Variants in NFKB2 observed in about 807,000 individuals in gnomAD.
NFKB2 encodes nuclear factor kappa B subunit 2.
A neutral mutation model predicts 109.3 loss-of-function variants in NFKB2; 21 were observed. The observed-to-expected ratio is 0.19, with a 90% CI of 0.14 to 0.28. The LOEUF (loss-of-function observed/expected upper bound fraction) is 0.28, where lower values mean the gene tolerates loss of function less well. Ranked by LOEUF, NFKB2 falls within the 10% of genes least tolerant of loss-of-function variation. NFKB2 has a pLI of 1.00. For synonymous variants in NFKB2, 478 were observed against 489.9 expected (o/e 0.98, Z 0.32); for missense variants, 806 against 1,185.3 (o/e 0.68, Z 4.70).
In NFKB2 at chr10:102,397,709, T is replaced by C; in HGVS notation, c.661+24T>C. 6.3e-7 allele frequency: 1 copy of C among 1,593,152 alleles called. No individual in the cohort carries two copies. The highest frequency in any genetic ancestry group is 8.6e-7 in the Non-Finnish European group (1 of 1,164,104). On this transcript the variant is annotated intron_variant, in intron 8 of 22. Coordinates refer to ENST00000661543, the MANE Select transcript of NFKB2 (RefSeq NM_001322934.2). The surrounding 1 kb of genome is among the most constrained non-coding windows in gnomAD (Gnocchi z 4.7). Reference sequence around the variant, plus strand: ...CAGTGAGTATCCTGATTGCCTGGGGTGCCAGGCCTGGTGGCAGAGGTGGCA... The same window carrying C: ...CAGTGAGTATCCTGATTGCCTGGGGCGCCAGGCCTGGTGGCAGAGGTGGCA...
intron 12 of NFKB2, 54 bp from the exon 13 acceptor site, chr10:102,399,233 AT>A: frequency 3.4e-6 from 5 of 1,455,040 alleles, no homozygotes; most frequent in East Asian, 2.5e-5. Flanking sequence ...AAAAAAAAAA[AT>A]CTGGGAGAGT....
In NFKB2 at chr10:102,400,886, AG is replaced by A. The variant is rs1008676146; in HGVS notation, c.1969-53del. 114 of 1,521,584 alleles carry A rather than the reference AG, an allele frequency of 7.5e-5. No homozygotes were observed. Among genetic ancestry groups the A allele is most frequent in the Middle Eastern group, 5.2e-4 (3 of 5,820 alleles). The allele number at this position is 1,521,584 out of a possible 1,614,324, so 94.3% of individuals were successfully genotyped here. A position where few individuals can be genotyped will look rare whatever the true frequency, so the allele number is the denominator to read the frequency against. ...GTGGTGGAGGGGCCAAAGATGGTGA[AG>A]GGGGGGGCTGGCCAAGGGGACCATG... On this transcript the variant is annotated intron_variant, in intron 17 of 22. Transcript: ENST00000661543. The surrounding 1 kb of genome is among the most constrained non-coding windows in gnomAD (Gnocchi z 6.3).
In NFKB2 at chr10:102,400,254, G is replaced by A. The variant is rs2061207085; in HGVS notation, c.1585-24G>A. 1.2e-6 allele frequency: 2 copies of A among 1,614,012 alleles called. No homozygotes were observed. The highest frequency in any genetic ancestry group is 1.1e-5 in the South Asian group (1 of 91,070). On this transcript the variant is annotated intron_variant, in intron 15 of 22. Coordinates refer to ENST00000661543, the MANE Select transcript of NFKB2 (RefSeq NM_001322934.2). The surrounding 1 kb of genome is among the most constrained non-coding windows in gnomAD (Gnocchi z 6.3). ...TGGAAGGCAAGTGGGTCTCGGGCCT[G>A]GCTCACCCTGCTTTCATCCCCAGAC...
At position 102,396,204 on chromosome 10, in the gene NFKB2, T is replaced by C. The variant is rs920388167; in HGVS notation, c.22-49T>C. 5.1e-6 allele frequency: 8 copies of C among 1,566,678 alleles called. No homozygotes were observed. Among genetic ancestry groups the C allele is most frequent in the Admixed American group, 1.7e-5 (1 of 58,950 alleles). On this transcript the variant is annotated intron_variant, in intron 2 of 22. Transcript: ENST00000661543. This position sits in a 1 kb window ranked among gnomAD's most constrained non-coding sequence, Gnocchi z 5.9. ...GACTTGGAGATGGGAGGTGGGGCTGTGGGGGGTGCTGAGAGTCGGATGCCA... is the reference window on the plus strand; with the variant it reads ...GACTTGGAGATGGGAGGTGGGGCTGCGGGGGGTGCTGAGAGTCGGATGCCA...
chr10:102,396,314 A>G lies in NFKB2; in HGVS notation c.83A>G (p.Lys28Arg). The stretch of plus-strand genomic sequence containing the variant: ...TTGAACTCCTCCATTGTGGAACCCA[A>G]GGAGCCAGCCCCAGAAACAGGTCAG... ...FKLNSSIVEPKEPAPETADGP... is the reference protein window; with the variant it reads ...FKLNSSIVEPREPAPETADGP... Residue 28 changes from lysine (K) to arginine (R), a missense_variant, in exon 3 of 23, where the codon AAG becomes AGG. Coordinates refer to ENST00000661543, the MANE Select transcript of NFKB2 (RefSeq NM_001322934.2). The surrounding 1 kb of genome is among the most constrained non-coding windows in gnomAD (Gnocchi z 5.9). 6.2e-7 allele frequency: 1 copy of G among 1,613,564 alleles called. No homozygotes were observed. Among genetic ancestry groups the G allele is most frequent in the Non-Finnish European group, 8.5e-7 (1 of 1,179,520 alleles).
At chr10:102,399,012 A>G in intron 12 of NFKB2, 148 bp downstream of exon 12, 2 of 922,432 alleles carry the variant, frequency 2.2e-6, no homozygotes, top group Non-Finnish European at 3.2e-6. Flanking sequence ...CAGGAGTTCA[A>G]GACCAGCTTG....
rs775398847 is a variant in NFKB2, at chr10:102,401,061, C to T, written c.2071+12C>T. The T allele has an allele frequency of 6.2e-7, 1 of 1,614,016 alleles. No homozygotes were observed. Among genetic ancestry groups the T allele is most frequent in the South Asian group, 1.1e-5 (1 of 91,074 alleles). ...CCTTCTGAAGGCTGGTCAGTCTCAC[C>T]CTCAGGGGCACTTGAACAGGGTGGG... On this transcript the variant is annotated intron_variant, in intron 18 of 22. Coordinates refer to ENST00000661543, the MANE Select transcript of NFKB2 (RefSeq NM_001322934.2). The surrounding 1 kb of genome is among the most constrained non-coding windows in gnomAD (Gnocchi z 4.2).
rs758684870 is a variant in NFKB2 at position 102,401,963 on chromosome 10, T to C, written c.2466+46T>C. On this transcript the variant is annotated intron_variant, in intron 21 of 22. Transcript: ENST00000661543. This position sits in a 1 kb window ranked among gnomAD's most constrained non-coding sequence, Gnocchi z 4.2. The stretch of plus-strand genomic sequence containing the variant: ...CCCCCTCCCCAGCCTCCTTTCCCGA[T>C]CTGAGTCCAGGTGCCTCCTTGGCCC... The C allele has an allele frequency of 1.3e-6, 2 of 1,596,012 alleles. No homozygotes were observed. The highest frequency in any genetic ancestry group is 4.5e-5 in the East Asian group (2 of 44,336).
In NFKB2 at chr10:102,400,156, G is replaced by A. The variant is rs763614024; in HGVS notation, c.1546G>A (p.Asp516Asn). The change falls in exon 15 of 23, where the codon GAC (aspartate) becomes AAC (asparagine). Residue 516 changes from aspartate to asparagine, a missense_variant. Transcript: ENST00000661543. This position sits in a 1 kb window ranked among gnomAD's most constrained non-coding sequence, Gnocchi z 6.3. ...QIVYVIHHAQ[D>N]LGVVNLTNHL... ...AGTCTATGTCATCCACCACGCCCAG[G>A]ACCTCGGCGTTGTCAACCTCACCAA... The A allele has an allele frequency of 1.2e-6, 2 of 1,614,170 alleles. No homozygotes were observed. Among genetic ancestry groups the A allele is most frequent in the South Asian group, 2.2e-5 (2 of 91,078 alleles).
At chr10:102,399,548 C>T (rs1377387838) in intron 13 of NFKB2, 29 bp from the exon 14 acceptor site, 3 of 1,543,748 alleles carry the variant, frequency 1.9e-6, no homozygotes, top group Non-Finnish European at 2.6e-6. Context: ...GAGGACCTAG[C>T]CCTGACCCAC....
chr10:102,398,758 G>A lies in NFKB2; in HGVS notation c.1011G>A (p.Arg337=). 1 of 1,612,536 alleles carries A rather than the reference G, an allele frequency of 6.2e-7. No homozygotes were observed. The highest frequency in any genetic ancestry group is 2.1e-4 in the Middle Eastern group (1 of 4,796). ...CCCCAGACAAGGAAGAGGTGCAGCGGAAGCGGAGGAAGGCCTTGCCCACCT... is the reference window on the plus strand; with the variant it reads ...CCCCAGACAAGGAAGAGGTGCAGCGAAAGCGGAGGAAGGCCTTGCCCACCT... ...PLVEDKEEVQ[R]KRRKALPTFS... The change falls in exon 12 of 23, where the codon CGG becomes CGA. Residue 337 remains arginine (R), a synonymous_variant. Transcript: ENST00000661543. The surrounding 1 kb of genome is among the most constrained non-coding windows in gnomAD (Gnocchi z 6.6).
rs1377165366 is a variant in NFKB2, at chr10:102,402,141, G to C, written c.2560G>C (p.Asp854His). Residue 854 changes from aspartate to histidine, a missense_variant, in exon 22 of 23, where the codon GAC (aspartate) becomes CAC (histidine). Transcript: ENST00000661543. ...GCTGCTGAGGGGTCCAGAAACCCGA[G>C]ACAAGCTGCCCAGCACAGGTAAAGG... ...VRLLRGPETR[D>H]KLPSTAEVKE... The C allele has an allele frequency of 4.4e-6, 7 of 1,576,838 alleles. No homozygotes were observed. In the Admixed American group the frequency reaches 1.3e-4, roughly 29 times the overall value.
Position 102,398,985 on chromosome 10 carries a change from G to T in NFKB2, c.1117+121G>T. ...TCCAGCCCTTTGGGAGGCCAAGGCAGGCAGATTACCTGAGATCAGGAGTTC... is the reference window on the plus strand; with the variant it reads ...TCCAGCCCTTTGGGAGGCCAAGGCATGCAGATTACCTGAGATCAGGAGTTC... On this transcript the variant is annotated intron_variant, in intron 12 of 22. Transcript: ENST00000661543. The surrounding 1 kb of genome is among the most constrained non-coding windows in gnomAD (Gnocchi z 6.6). 8.8e-7 allele frequency: 1 copy of T among 1,130,980 alleles called. No individual in the cohort carries two copies. The allele number at this position is 1,130,980 out of a possible 1,614,324, so 70.1% of individuals were successfully genotyped here.
chr10:102,398,797 C>T lies in NFKB2; in HGVS notation c.1050C>T (p.Phe350=), dbSNP rs752760888. The change falls in exon 12 of 23, where the codon TTC becomes TTT. Residue 350 remains phenylalanine, a synonymous_variant. Coordinates refer to ENST00000661543, the MANE Select transcript of NFKB2 (RefSeq NM_001322934.2). This position sits in a 1 kb window ranked among gnomAD's most constrained non-coding sequence, Gnocchi z 6.6. ...CCTTGCCCACCTTCTCCCAGCCCTT[C>T]GGGGGTGGCTCCCACATGGGTGGAG... ...RKALPTFSQP[F]GGGSHMGGGS... 2 of 1,611,544 alleles carry T rather than the reference C, an allele frequency of 1.2e-6. No individual in the cohort carries two copies. Among genetic ancestry groups the T allele is most frequent in the South Asian group, 1.1e-5 (1 of 90,866 alleles).
rs2061108297 is a variant in NFKB2 at position 102,396,194 on chromosome 10, G to A, written c.22-59G>A. On this transcript the variant is annotated intron_variant, in intron 2 of 22. Coordinates refer to ENST00000661543, the MANE Select transcript of NFKB2 (RefSeq NM_001322934.2). This position sits in a 1 kb window ranked among gnomAD's most constrained non-coding sequence, Gnocchi z 5.9. ...GACCACTGAAGACTTGGAGATGGGA[G>A]GTGGGGCTGTGGGGGGTGCTGAGAG... The A allele has an allele frequency of 6.4e-7, 1 of 1,553,174 alleles. No homozygotes were observed.
Position 102,399,585 on chromosome 10 carries a change from T to C in NFKB2, c.1336T>C (p.Tyr446His). The change falls in exon 14 of 23, where the codon TAC becomes CAC. Residue 446 changes from tyrosine (Y) to histidine (H), a missense_variant. By Grantham distance (83) the Tyr-to-His change is moderately conservative (BLOSUM62 2). Around this residue, in one of 10 missense-constraint regions of NFKB2, gnomAD observed 209 missense variants for 211.9 expected, o/e 0.99. Transcript: ENST00000661543. ...APEMLQRARE[Y>H]NARLFGLAQR... ...CCCTCTGTGGCCCGTAGCTCGAGAG[T>C]ACAACGCGCGCCTGTTCGGCCTGGC... The C allele has an allele frequency of 4.5e-6, 7 of 1,550,432 alleles. No homozygotes were observed. Among genetic ancestry groups the C allele is most frequent in the Non-Finnish European group, 6.1e-6 (7 of 1,147,732 alleles).
In NFKB2 at chr10:102,397,963, C is replaced by A. The variant is rs755778570; in HGVS notation, c.662-18C>A. On this transcript the variant is annotated intron_variant, in intron 8 of 22. Coordinates refer to ENST00000661543, the MANE Select transcript of NFKB2 (RefSeq NM_001322934.2). This position sits in a 1 kb window ranked among gnomAD's most constrained non-coding sequence, Gnocchi z 4.7. ...TGGCTATTGCATCATCTCAACTAAT[C>A]CATATCCCACTCCATAGAATCTCCG... is the stretch of plus-strand genomic sequence containing the variant. 6.2e-7 allele frequency: 1 copy of A among 1,612,382 alleles called. No homozygotes were observed. The highest frequency in any genetic ancestry group is 1.1e-5 in the South Asian group (1 of 91,022).
At position 102,400,151 on chromosome 10, in the gene NFKB2, C is replaced by A. The variant is rs2061203642; in HGVS notation, c.1541C>A (p.Ala514Asp). 3 of 1,614,056 alleles carry A rather than the reference C, an allele frequency of 1.9e-6. No homozygotes were observed. Among genetic ancestry groups the A allele is most frequent in the African/African-American group, 2.7e-5 (2 of 74,928 alleles). The change falls in exon 15 of 23, where the codon GCC becomes GAC. Residue 514 changes from alanine (A) to aspartate (D), a missense_variant. Transcript: ENST00000661543. This position sits in a 1 kb window ranked among gnomAD's most constrained non-coding sequence, Gnocchi z 6.3. The part of the protein sequence containing the change: ...IEQIVYVIHH[A>D]QDLGVVNLTN... ...CAGATAGTCTATGTCATCCACCACG[C>A]CCAGGACCTCGGCGTTGTCAACCTC...
chr10:102,397,270 A>G lies in NFKB2; in HGVS notation c.396-32A>G. ...AGGTGCCTCAGGAAGAAAGAACTGCATGGCCAAAGGCCTCCGATTCTCTCT... is the reference window on the plus strand; with the variant it reads ...AGGTGCCTCAGGAAGAAAGAACTGCGTGGCCAAAGGCCTCCGATTCTCTCT... On this transcript the variant is annotated intron_variant, in intron 6 of 22. Coordinates refer to ENST00000661543, the MANE Select transcript of NFKB2 (RefSeq NM_001322934.2). The surrounding 1 kb of genome is among the most constrained non-coding windows in gnomAD (Gnocchi z 4.7). 5 of 1,605,188 alleles carry G rather than the reference A, an allele frequency of 3.1e-6. No homozygotes were observed. Among genetic ancestry groups the G allele is most frequent in the Non-Finnish European group, 4.3e-6 (5 of 1,172,340 alleles).
Sources: allele counts gnomAD v4.1 joint callset, GRCh38; gene constraint gnomAD v4.1.1; regional missense constraint gnomAD v4.1.1; non-coding constraint Gnocchi (gnomAD v3.1); transcripts MANE v1.5; gene names NCBI Gene and HGNC (gene_info 2026-07-23, HGNC 2026-07-21).